The following DACH2 variants were observed in gnomAD, a reference collection of about 807,000 sequenced individuals.
DACH2 encodes the protein dachshund homolog 2.
In DACH2, 17 loss-of-function variants were observed where a neutral mutation model predicts 35.8. The ratio of observed to expected loss-of-function variants is 0.48; its 90% CI spans 0.33 to 0.71. The LOEUF is 0.71. Ranked by LOEUF, DACH2 falls within the 30% of genes least tolerant of loss-of-function variation. DACH2 has a pLI of 0.02. For missense variants in DACH2, 469 were observed against 472.7 expected, an observed-to-expected ratio of 0.99 and a Z score of 0.07; for synonymous variants, 195 against 177.3, an observed-to-expected ratio of 1.10 and a Z score of -0.79.
At chrX:86,338,850 T>A (rs2035365106) in intron 1 of DACH2, among the ~76,000 whole-genome samples, 3 of 110,275 alleles carry the variant, frequency 2.7e-5, no homozygotes, top group Admixed American at 1.9e-4. Context: ...AAGAGAAGAA[T>A]CAAATAGATG....
chrX:86,788,745 G>A (rs1030183607), intron 7 of DACH2, among the ~76,000 whole-genome samples: 12 of 111,588 alleles, frequency 1.1e-4, no homozygotes, highest in African/African-American at 3.6e-4. Context: ...GCCAGGAAAC[G>A]AAACCTTATT....
At chrX:86,620,089 A>G (rs760246876) in intron 3 of DACH2, among the ~76,000 whole-genome samples, 1 of 112,205 alleles carries the variant, frequency 8.9e-6, no homozygotes, top group Non-Finnish European at 1.9e-5. Flanking sequence ...AACTTATTCT[A>G]TTACAAATAT....
At chrX:86,301,495 C>G (rs1017936074) in intron 1 of DACH2, among the ~76,000 whole-genome samples, 7 of 111,713 alleles carry the variant, frequency 6.3e-5, no homozygotes, top group Non-Finnish European at 1.9e-5. Context: ...CAATCAAAAG[C>G]AGAAGTTTGT....
At chrX:86,370,729 G>A (rs760667114) in intron 1 of DACH2, among the ~76,000 whole-genome samples, 20 of 111,616 alleles carry the variant, frequency 1.8e-4, no homozygotes, top group African/African-American at 2.9e-4. Flanking sequence ...AGCTTTATAC[G>A]ACAGAAATGA....
intron 2 of DACH2, among the ~76,000 whole-genome samples, chrX:86,407,889 T>G (rs180775825): frequency 3.9e-4 from 44 of 112,353 alleles, no homozygotes; most frequent in African/African-American, 1.3e-3. Context: ...CACAACCCAT[T>G]TATTTATCAG....
chrX:86,749,170 A>G (rs1426186728), intron 7 of DACH2, among the ~76,000 whole-genome samples: 1 of 111,932 alleles, frequency 8.9e-6, no homozygotes, highest in African/African-American at 3.2e-5. Context: ...CTCCATATCA[A>G]GAATAAGGCT....
intron 1 of DACH2, among the ~76,000 whole-genome samples, chrX:86,194,409 G>A (rs2031919422): frequency 8.9e-6 from 1 of 111,767 alleles, no homozygotes; most frequent in South Asian, 3.8e-4. Context: ...GCCACCAAGG[G>A]AATGAGACAA....
chrX:86,454,331 T>A (rs935894665), intron 2 of DACH2, among the ~76,000 whole-genome samples: 1 of 111,693 alleles, frequency 9.0e-6, no homozygotes, highest in Non-Finnish European at 1.9e-5. Context: ...TTTCTTGCTA[T>A]GTTGGGGAAG....
chrX:86,161,399 T>C, intron 1 of DACH2: 1 of 809,015 alleles, frequency 1.2e-6, no homozygotes, highest in Non-Finnish European at 1.7e-6. Flanking sequence ...GATCAAAACC[T>C]GGCAAATTAC....
At chrX:86,374,888 A>G (rs1391925537) in intron 1 of DACH2, among the ~76,000 whole-genome samples, 2 of 110,560 alleles carry the variant, frequency 1.8e-5, no homozygotes, top group African/African-American at 3.3e-5. Flanking sequence ...TGCTTGTTCA[A>G]TAAAGTTTTC....
chrX:86,808,765 A>T (rs12846375), intron 7 of DACH2, among the ~76,000 whole-genome samples: 40,839 of 109,738 alleles, frequency 0.37, 5,907 homozygotes, highest in Middle Eastern at 0.44. Flanking sequence ...GGTAGCTACA[A>T]TTTTCTACTG....
chrX:86,312,583 T>G (rs1373584394), intron 1 of DACH2, among the ~76,000 whole-genome samples: 1 of 111,684 alleles, frequency 9.0e-6, no homozygotes, highest in Non-Finnish European at 1.9e-5. Context: ...GGAAGGCAGA[T>G]CTACCCTTAA....
At chrX:86,162,179 T>TA (rs757554481) in intron 1 of DACH2, among the ~76,000 whole-genome samples, 1 of 110,968 alleles carries the variant, frequency 9.0e-6, no homozygotes, top group Non-Finnish European at 1.9e-5. Context: ...TTCTCTACAT[T>TA]AGTGGGAAAT....
intron 11 of DACH2, 48 bp downstream of exon 11, chrX:86,816,147 C>A (rs1455718073): frequency 9.8e-6 from 9 of 917,432 alleles, no homozygotes; most frequent in Admixed American, 9.1e-5. Flanking sequence ...ATATGTGACC[C>A]CTGGGGATGA....
intron 3 of DACH2, among the ~76,000 whole-genome samples, chrX:86,533,477 T>G (rs1336407408): frequency 4.5e-5 from 5 of 111,703 alleles, no homozygotes; most frequent in Non-Finnish European, 9.4e-5. Context: ...TAAACTTCTC[T>G]CTGTTCTTCA....
At chrX:86,235,293 GT>G (rs1474834321) in intron 1 of DACH2, among the ~76,000 whole-genome samples, 1 of 112,005 alleles carries the variant, frequency 8.9e-6, no homozygotes, top group Non-Finnish European at 1.9e-5. Context: ...TAAATCTTTG[GT>G]TTACCTTGAT....
chrX:86,378,023 A>G (rs2035994018), intron 2 of DACH2, among the ~76,000 whole-genome samples: 1 of 110,255 alleles, frequency 9.1e-6, no homozygotes, highest in Admixed American at 9.8e-5. Context: ...TAAAATAGTA[A>G]ATGGATTATG....
At chrX:86,735,777 G>T (rs1307110815) in intron 6 of DACH2, among the ~76,000 whole-genome samples, 1 of 111,464 alleles carries the variant, frequency 9.0e-6, no homozygotes, top group East Asian at 2.8e-4. Flanking sequence ...AAAGTAACAG[G>T]GTTGTAAAAG....
At chrX:86,628,449 T>C (rs1738760919) in intron 3 of DACH2, among the ~76,000 whole-genome samples, 1 of 112,170 alleles carries the variant, frequency 8.9e-6, no homozygotes, top group Non-Finnish European at 1.9e-5. Context: ...GTCAGTATTC[T>C]TTACATCATA....
Sources: allele counts gnomAD v4.1 joint callset (sites outside exome capture counted in the v4.1 genomes callset), GRCh38; gene constraint gnomAD v4.1.1; transcripts MANE v1.5; gene names NCBI Gene and HGNC (gene_info 2026-07-23, HGNC 2026-07-21).